DNAJC1: variants seen among roughly 807,000 people sequenced by gnomAD.
The protein encoded by DNAJC1 is dnaJ homolog subfamily C member 1.
DNAJC1 carries 58 observed loss-of-function variants against 76.6 expected under a neutral mutation model. That is an observed-to-expected ratio of 0.76 (90% CI 0.61 to 0.94). The LOEUF (loss-of-function observed/expected upper bound fraction) is 0.94, where lower values mean the gene tolerates loss of function less well. Among genes scored for constraint, DNAJC1 ranks in the 40% least tolerant of loss-of-function variants. DNAJC1 has a pLI of 0.00. For missense variants in DNAJC1, 689 were observed against 677.3 expected (o/e 1.02, Z -0.19); for synonymous variants, 258 against 267.9 (o/e 0.96, Z 0.36).
intron 8 of DNAJC1, among the ~76,000 whole-genome samples, chr10:21,873,288 C>T (rs756121303): frequency 9.2e-5 from 14 of 152,090 alleles, no homozygotes; most frequent in African/African-American, 3.1e-4. Context: ...TTCTTGCCTG[C>T]GGCTCATCCT....
intron 6 of DNAJC1, among the ~76,000 whole-genome samples, chr10:21,911,970 G>A (rs973461232): frequency 1.2e-4 from 19 of 152,082 alleles, no homozygotes; most frequent in Middle Eastern, 3.2e-3. Context: ...ATGAGTTTCC[G>A]GAGGTTAGGT....
In DNAJC1 at chr10:21,849,866, C is replaced by T. The variant is rs547910445; in HGVS notation, c.978+32416G>A. Among the ~76,000 whole-genome samples, 5 of 151,712 alleles carry T rather than the reference C, an allele frequency of 3.3e-5. No homozygotes were observed. In the South Asian group the frequency reaches 1.0e-3, roughly 32 times the overall value. ...TTAATAGATAAAAGGGAAAAAAAAA[C>T]CACACATGATCATCTCAATTGATGC... On this transcript the variant is annotated intron_variant, in intron 8 of 11. Transcript: ENST00000376980.
intron 5 of DNAJC1, among the ~76,000 whole-genome samples, chr10:21,919,144 C>T (rs1836999726): frequency 6.6e-6 from 1 of 151,870 alleles, no homozygotes; most frequent in African/African-American, 2.4e-5. Context: ...CAAAGATAAA[C>T]AAAAGCCTTC....
chr10:21,947,565 C>T (rs1049071327), intron 1 of DNAJC1, among the ~76,000 whole-genome samples: 11 of 152,190 alleles, frequency 7.2e-5, no homozygotes, highest in African/African-American at 2.4e-4. Flanking sequence ...GTATATGATA[C>T]ATATAACGTG....
intron 10 of DNAJC1, among the ~76,000 whole-genome samples, chr10:21,764,123 A>C (rs151014068): frequency 0.014 from 2,173 of 152,336 alleles, 30 homozygotes; most frequent in Non-Finnish European, 0.022. Context: ...AAAAATGGAA[A>C]CAAACAAAAT....
chr10:21,795,550 A>T (rs1348892679), intron 9 of DNAJC1, among the ~76,000 whole-genome samples: 1 of 152,204 alleles, frequency 6.6e-6, no homozygotes, highest in African/African-American at 2.4e-5. Flanking sequence ...AGAGAACAGG[A>T]GTGGGAAATG....
At chr10:21,797,006 C>G (rs1834757082) in intron 9 of DNAJC1, among the ~76,000 whole-genome samples, 1 of 152,044 alleles carries the variant, frequency 6.6e-6, no homozygotes, top group African/African-American at 2.4e-5. Context: ...GTGTTATAAT[C>G]CAATAAATCA....
At chr10:21,974,769 C>T (rs187627918) in intron 1 of DNAJC1, among the ~76,000 whole-genome samples, 90 of 151,938 alleles carry the variant, frequency 5.9e-4, no homozygotes, top group African/African-American at 1.9e-3. Context: ...GGAGAAAAAA[C>T]GATGTTACTT....
chr10:21,782,808 T>G (rs1834550103), intron 9 of DNAJC1, among the ~76,000 whole-genome samples: 1 of 152,194 alleles, frequency 6.6e-6, no homozygotes, highest in African/African-American at 2.4e-5. Context: ...AACCACATGA[T>G]TATCTCAATA....
chr10:21,927,551 C>G (rs1343650660), intron 3 of DNAJC1, among the ~76,000 whole-genome samples: 2 of 152,010 alleles, frequency 1.3e-5, no homozygotes, highest in African/African-American at 4.8e-5. Flanking sequence ...TTGTGGTCCA[C>G]TAGTGTCTCA....
intron 1 of DNAJC1, among the ~76,000 whole-genome samples, chr10:21,939,414 A>C (rs968929401): frequency 2.0e-5 from 3 of 152,208 alleles, no homozygotes; most frequent in African/African-American, 7.2e-5. Context: ...TAATACAGTC[A>C]ATGCAGTGCA....
intron 8 of DNAJC1, among the ~76,000 whole-genome samples, chr10:21,843,910 T>A (rs1309721400): frequency 6.6e-6 from 1 of 152,038 alleles, no homozygotes; most frequent in Non-Finnish European, 1.5e-5. Context: ...ATTGTAATAA[T>A]CCCCACCTGT....
intron 8 of DNAJC1, among the ~76,000 whole-genome samples, chr10:21,835,290 C>T (rs571614118): frequency 6.6e-6 from 1 of 152,156 alleles, no homozygotes; most frequent in Non-Finnish European, 1.5e-5. Flanking sequence ...GGAAAACTAA[C>T]AAACAGAAAG....
intron 3 of DNAJC1, among the ~76,000 whole-genome samples, chr10:21,923,384 TTTCATAAG>T (rs1837069711): frequency 1.3e-5 from 2 of 152,014 alleles, no homozygotes; most frequent in South Asian, 4.1e-4. Context: ...CACAGACACT[TTTCATAAG>T]TTATTTAAGA....
At chr10:21,829,231 T>C (rs1184452133) in intron 8 of DNAJC1, among the ~76,000 whole-genome samples, 3 of 151,858 alleles carry the variant, frequency 2.0e-5, no homozygotes, top group Non-Finnish European at 4.4e-5. Flanking sequence ...GTTTTTTTTT[T>C]TGAGATGGAG....
intron 9 of DNAJC1, among the ~76,000 whole-genome samples, chr10:21,772,939 C>T (rs1327795920): frequency 1.3e-5 from 2 of 152,118 alleles, no homozygotes; most frequent in Non-Finnish European, 2.9e-5. Context: ...CTTCACATGC[C>T]AGAGCAGGAG....
chr10:21,823,905 T>C (rs756192177), intron 8 of DNAJC1, among the ~76,000 whole-genome samples: 4 of 152,064 alleles, frequency 2.6e-5, no homozygotes, highest in African/African-American at 7.2e-5. Context: ...TTAATTTGAA[T>C]AATAAAAAAA....
At chr10:22,003,140 T>C (rs1412088844) in intron 1 of DNAJC1, 73 bp downstream of exon 1, 2 of 1,390,702 alleles carry the variant, frequency 1.4e-6, no homozygotes, top group East Asian at 6.1e-5. Flanking sequence ...TGTCCGGCTG[T>C]CTCTGAGGAA....
intron 1 of DNAJC1, among the ~76,000 whole-genome samples, chr10:21,943,048 A>G (rs1239180800): frequency 6.6e-6 from 1 of 151,890 alleles, no homozygotes; most frequent in African/African-American, 2.4e-5. Flanking sequence ...TTTTTTCAAG[A>G]CAGAAATAAA....
Sources: gnomAD v4.1 joint callset for allele counts (sites outside exome capture counted in the v4.1 genomes callset) on GRCh38, gnomAD v4.1.1 for gene constraint, MANE v1.5 for transcripts, NCBI Gene and HGNC (gene_info 2026-07-23, HGNC 2026-07-21) for gene names.